Variants in TLDC2 observed in about 807,000 individuals in gnomAD.
TLDC2 encodes TBC/LysM-associated domain containing 2, also known as TLD domain-containing protein 2.
Under a neutral mutation model 27.9 loss-of-function variants are expected in TLDC2, and 23 were observed. The ratio of observed to expected loss-of-function variants is 0.82; its 90% CI spans 0.59 to 1.17. The LOEUF is 1.17. Among genes scored for constraint, TLDC2 ranks in the 50% most tolerant of loss-of-function variants. The probability of loss-of-function intolerance (pLI) is 0.00; values close to 1 mark genes in which losing one functional copy is unlikely to be tolerated. For missense variants in TLDC2, 286 were observed against 273.4 expected, an observed-to-expected ratio of 1.05 and a Z score of -0.32; for synonymous variants, 124 against 107.4, an observed-to-expected ratio of 1.16 and a Z score of -0.96.
At position 36,877,933 on chromosome 20, in the gene TLDC2, A is replaced by G. The variant is rs1989710215; in HGVS notation, c.68A>G (p.Glu23Gly). The G allele has an allele frequency of 6.2e-7, 1 of 1,613,762 alleles. No homozygotes were observed. The highest frequency in any genetic ancestry group is 8.5e-7 in the Non-Finnish European group (1 of 1,179,902). Residue 23 changes from glutamate to glycine, a missense_variant, in exon 2 of 7, where the codon GAG becomes GGG. Transcript: ENST00000217320. ...SQVEDTLSGEEGNEEEEEEEA... is the reference protein window; with the variant it reads ...SQVEDTLSGEGGNEEEEEEEA... ...GTGGAGGACACCCTGTCTGGGGAGG[A>G]GGGTAACGAAGAGGAAGAGGAGGAG...
At chr20:36,876,256 G>A in intron 1 of TLDC2, 49 bp downstream of exon 1, 1 of 1,613,606 alleles carries the variant, frequency 6.2e-7, no homozygotes, top group African/African-American at 1.3e-5. Context: ...GTGAAAGGAG[G>A]TGAGGTCTCT....
chr20:36,876,283 G>C, intron 1 of TLDC2, 76 bp downstream of exon 1: 1 of 1,595,826 alleles, frequency 6.3e-7, no homozygotes, highest in Admixed American at 1.7e-5. Context: ...GTGGGGCCTG[G>C]GCTAGGGTTG....
Position 36,893,081 on chromosome 20 carries a change from G to A in TLDC2, c.*237G>A, listed in dbSNP as rs1298492067. 1 of 1,611,640 alleles carries A rather than the reference G, an allele frequency of 6.2e-7. No individual in the cohort carries two copies. The highest frequency in any genetic ancestry group is 8.5e-7 in the Non-Finnish European group (1 of 1,179,978). On this transcript the variant is annotated 3_prime_UTR_variant, in exon 7 of 7. Coordinates refer to ENST00000217320, the MANE Select transcript of TLDC2 (RefSeq NM_080628.3). ...ACATCGCCATCCTATTAGGAAGAGAGAGAAAAACAGGCAATAGAGAAAAGC... is the reference window on the plus strand; with the variant it reads ...ACATCGCCATCCTATTAGGAAGAGAAAGAAAAACAGGCAATAGAGAAAAGC...
At position 36,876,188 on chromosome 20, in the gene TLDC2, G is replaced by A. The variant is rs376888585; in HGVS notation, c.14G>A (p.Arg5His). 152 of 1,614,034 alleles carry A rather than the reference G, an allele frequency of 9.4e-5. No homozygotes were observed. Among genetic ancestry groups the A allele is most frequent in the Non-Finnish European group, 1.2e-4 (139 of 1,179,994 alleles). The change falls in exon 1 of 7, where the codon CGC (arginine) becomes CAC (histidine). Residue 5 changes from arginine to histidine, a missense_variant. By Grantham distance (29) the Arg-to-His change is conservative (BLOSUM62 0). Transcript: ENST00000217320. ...AGGGACAGGAGAATGAGAGGCCTCC[G>A]CTGGCGTTACACTCGGCTGGTAAGG... is the stretch of plus-strand genomic sequence containing the variant. MRGL[R>H]WRYTRLPSQV...
Position 36,889,255 on chromosome 20 carries a change from C to A in TLDC2, c.517C>A (p.Arg173=). The change falls in exon 6 of 7, where the codon CGG becomes AGG. Residue 173 remains arginine (R), a synonymous_variant. Transcript: ENST00000217320. Reference sequence around the variant, plus strand: ...AGACTGTCCTCTTCTCTCTAGTGGCCGGTTTGGGCTGTGGTTGGATGGAGA... The same window carrying A: ...AGACTGTCCTCTTCTCTCTAGTGGCAGGTTTGGGCTGTGGTTGGATGGAGA... ...DSLMMGSGSG[R]FGLWLDGDLF... 1.2e-6 allele frequency: 2 copies of A among 1,614,008 alleles called. No homozygotes were observed. Among genetic ancestry groups the A allele is most frequent in the South Asian group, 2.2e-5 (2 of 91,062 alleles).
At chr20:36,892,354 A>G in intron 6 of TLDC2, 1 of 181,756 alleles carries the variant, frequency 5.5e-6, no homozygotes, top group Non-Finnish European at 1.2e-5. Flanking sequence ...CTCAAACTTG[A>G]GGTGACAGGG....
At chr20:36,881,070 C>A (rs1043168871) in intron 4 of TLDC2, among the ~76,000 whole-genome samples, 7 of 152,180 alleles carry the variant, frequency 4.6e-5, no homozygotes, top group African/African-American at 1.7e-4. Context: ...CAAAGGAGGA[C>A]ACAGCCAATG....
chr20:36,889,146 A>G (rs760137589), intron 5 of TLDC2, 105 bp from the exon 6 acceptor site: 285 of 1,514,206 alleles, frequency 1.9e-4, no homozygotes, highest in Middle Eastern at 7.1e-4. Flanking sequence ...GACAGGTGAA[A>G]CTGGGCTGCC....
intron 5 of TLDC2, among the ~76,000 whole-genome samples, chr20:36,888,661 G>A (rs1346094716): frequency 6.5e-5 from 9 of 138,280 alleles, no homozygotes; most frequent in African/African-American, 2.2e-4. Flanking sequence ...AGCCAAGATC[G>A]CGCCATTGCA....
rs1215973419 is a variant in TLDC2 at position 36,880,669 on chromosome 20, C to G, written c.357C>G (p.Phe119Leu). 5.0e-6 allele frequency: 8 copies of G among 1,614,156 alleles called. No homozygotes were observed. Among genetic ancestry groups the G allele is most frequent in the Non-Finnish European group, 6.8e-6 (8 of 1,179,978 alleles). ...CCACTTTCCAGATATTTGGAGCCTT[C>G]TCCTCCTCGGCTATCCGACTCAGCA... ...RDQDGQIFGA[F>L]SSSAIRLSKG... The change falls in exon 4 of 7, where the codon TTC (phenylalanine) becomes TTG (leucine). Residue 119 changes from phenylalanine (F) to leucine (L), a missense_variant. Transcript: ENST00000217320.
At position 36,893,220 on chromosome 20, in the gene TLDC2, C is replaced by A. The variant is rs1990123589; in HGVS notation, c.*376C>A. The A allele has an allele frequency of 1.1e-6, 1 of 902,832 alleles. No individual in the cohort carries two copies. Among genetic ancestry groups the A allele is most frequent in the Non-Finnish European group, 1.7e-6 (1 of 582,580 alleles). The allele number at this position is 902,832 out of a possible 1,614,324, so 55.9% of individuals were successfully genotyped here. A position where few individuals can be genotyped will look rare whatever the true frequency, so the allele number is the denominator to read the frequency against. On this transcript the variant is annotated 3_prime_UTR_variant, in exon 7 of 7. Transcript: ENST00000217320. ...AGGGAAACTCCAAATTACATATGCCCTGTGCTTGGGGCAAATTAGAAACAC... is the reference window on the plus strand; with the variant it reads ...AGGGAAACTCCAAATTACATATGCCATGTGCTTGGGGCAAATTAGAAACAC...
At chr20:36,878,890 C>A in intron 2 of TLDC2, 151 bp from the exon 3 acceptor site, 1 of 1,152,912 alleles carries the variant, frequency 8.7e-7, no homozygotes, top group Non-Finnish European at 1.3e-6. Flanking sequence ...AGGGCTATGG[C>A]TGATGGCATG....
At chr20:36,889,624 A>G in intron 6 of TLDC2, 1 of 436,346 alleles carries the variant, frequency 2.3e-6, no homozygotes, top group Non-Finnish European at 4.0e-6. Flanking sequence ...AGCAGCACAG[A>G]GACCCTAAGC....
chr20:36,890,463 C>CCTTT (rs531153583), intron 6 of TLDC2: 10 of 103,220 alleles, frequency 9.7e-5, no homozygotes, highest in Non-Finnish European at 2.2e-5. Context: ...TTCCTTCCTT[C>CCTTT]CTTTCTTTCT....
chr20:36,887,410 A>C, intron 4 of TLDC2, 45 bp from the exon 5 acceptor site: 2 of 1,555,644 alleles, frequency 1.3e-6, no homozygotes, highest in Non-Finnish European at 1.8e-6. Flanking sequence ...CAAGGGCGGG[A>C]CTCGCTCGCT....
At chr20:36,887,192 G>A (rs530375912) in intron 4 of TLDC2, among the ~76,000 whole-genome samples, 1 of 152,260 alleles carries the variant, frequency 6.6e-6, no homozygotes, top group South Asian at 2.1e-4. Flanking sequence ...TTGGAAGCAG[G>A]AAGCCTCAGG....
Position 36,892,855 on chromosome 20 carries a change from T to C in TLDC2, c.*18-7T>C. 6.4e-7 allele frequency: 1 copy of C among 1,566,526 alleles called. No homozygotes were observed. The highest frequency in any genetic ancestry group is 8.8e-7 in the Non-Finnish European group (1 of 1,136,558). On this transcript the variant is annotated splice_polypyrimidine_tract_variant and splice_region_variant and intron_variant, in intron 6 of 6. Coordinates refer to ENST00000217320, the MANE Select transcript of TLDC2 (RefSeq NM_080628.3). ...AAATTAAAGCATGAGTTGTCATTAA[T>C]TTGCAGAATTCTATGATTGAAGCCT...
rs537916614 is a variant in TLDC2, at chr20:36,879,154, C to T, written c.303C>T (p.Ser101=). 1.7e-5 allele frequency: 28 copies of T among 1,613,944 alleles called. No homozygotes were observed. Among genetic ancestry groups the T allele is most frequent in the South Asian group, 8.8e-5 (8 of 91,082 alleles). ...QSLYRRMEGC[S]GPVLLVLRDQ... ...TGTACCGGCGGATGGAGGGCTGCAG[C>T]GGGCCAGTGCTGCTGGTGCTCAGGG... The change falls in exon 3 of 7, where the codon AGC becomes AGT. Residue 101 remains serine (S), a synonymous_variant. Coordinates refer to ENST00000217320, the MANE Select transcript of TLDC2 (RefSeq NM_080628.3).
At chr20:36,878,357 G>T (rs1034097641) in intron 2 of TLDC2, among the ~76,000 whole-genome samples, 1 of 152,148 alleles carries the variant, frequency 6.6e-6, no homozygotes, top group Non-Finnish European at 1.5e-5. Flanking sequence ...AAGGCAGGGG[G>T]ATCGCTTGAG....
Sources: allele counts gnomAD v4.1 joint callset (sites outside exome capture counted in the v4.1 genomes callset), GRCh38; gene constraint gnomAD v4.1.1; transcripts MANE v1.5; gene names NCBI Gene and HGNC (gene_info 2026-07-23, HGNC 2026-07-21).